Variants in NHSL1 observed in about 807,000 individuals in gnomAD.
NHSL1 encodes the protein NHS-like protein 1.
In NHSL1, 48 loss-of-function variants were observed where a neutral mutation model predicts 95.0. The observed-to-expected ratio is 0.51, with a 90% CI of 0.40 to 0.64. The LOEUF (loss-of-function observed/expected upper bound fraction) is 0.64, where lower values mean the gene tolerates loss of function less well. Ranked by LOEUF, NHSL1 falls within the 30% of genes least tolerant of loss-of-function variation. The probability of loss-of-function intolerance (pLI) is 0.00; values close to 1 mark genes in which losing one functional copy is unlikely to be tolerated. For synonymous variants in NHSL1, 783 were observed against 833.9 expected (o/e 0.94, Z 1.05); for missense variants, 1,971 against 2,077.7 (o/e 0.95, Z 1.00).
At chr6:138,531,726 C>T (rs117080766) in intron 1 of NHSL1, among the ~76,000 whole-genome samples, 19 of 152,114 alleles carry the variant, frequency 1.2e-4, no homozygotes, top group Non-Finnish European at 2.1e-4. Flanking sequence ...GTTGCTTAGG[C>T]GGGTCTTCAA....
At chr6:138,446,814 C>A (rs762037695) in intron 4 of NHSL1, 187 bp downstream of exon 4, 1 of 599,984 alleles carries the variant, frequency 1.7e-6, no homozygotes, top group Non-Finnish European at 2.9e-6. Context: ...TCGAACCCAA[C>A]AAGCAGTAGA....
intron 1 of NHSL1, among the ~76,000 whole-genome samples, chr6:138,617,858 C>T (rs1784601819): frequency 6.6e-6 from 1 of 152,168 alleles, no homozygotes; most frequent in East Asian, 1.9e-4. Context: ...TGACTTGTGC[C>T]CAGTGGGGTG....
At chr6:138,439,980 T>C (rs1032367112) in intron 5 of NHSL1, among the ~76,000 whole-genome samples, 8 of 152,132 alleles carry the variant, frequency 5.3e-5, no homozygotes, top group Admixed American at 3.3e-4. Flanking sequence ...TCCATACTGG[T>C]TGGTTCAGTA....
rs1306472490 is a variant in NHSL1, at chr6:138,520,008, G to A, written c.17-23637C>T. On this transcript the variant is annotated intron_variant, in intron 1 of 4. Transcript: ENST00000342260. ...TCCTTTCTGAAACAAGGGGAATACA[G>A]GGTTTTTCCCATAACCGTTGGCATT... 3.9e-5 allele frequency among the ~76,000 whole-genome samples: 6 copies of A among 152,232 alleles called. No individual in the cohort carries two copies. The South Asian group carries it at 8.3e-4, about 21-fold the overall frequency.
intron 2 of NHSL1, among the ~76,000 whole-genome samples, chr6:138,491,702 A>G (rs1465004263): frequency 6.6e-6 from 1 of 152,238 alleles, no homozygotes; most frequent in Non-Finnish European, 1.5e-5. Context: ...TGTCTATTGA[A>G]GCAAATATTA....
chr6:138,571,763 T>C (rs1440621129), exon 1 of NHSL1: 1 of 1,552,368 alleles, frequency 6.4e-7, no homozygotes, highest in East Asian at 2.4e-5. Context: ...TTCCACCTGC[T>C]GCCCACAAAC....
At chr6:138,623,555 T>C (rs1784694743) in intron 1 of NHSL1, among the ~76,000 whole-genome samples, 1 of 152,204 alleles carries the variant, frequency 6.6e-6, no homozygotes, top group Non-Finnish European at 1.5e-5. Context: ...CTCTCAGCAA[T>C]TTTGAAGAAT....
At chr6:138,481,386 TCACTCATG>T (rs1490667287) in intron 2 of NHSL1, among the ~76,000 whole-genome samples, 2 of 152,230 alleles carry the variant, frequency 1.3e-5, no homozygotes, top group African/African-American at 4.8e-5. Flanking sequence ...TTCTCCCTTG[TCACTCATG>T]CACGATGAAT....
intron 1 of NHSL1, among the ~76,000 whole-genome samples, chr6:138,680,872 C>T (rs4896382): frequency 0.61 from 92,987 of 152,066 alleles, 30,185 homozygotes; most frequent in East Asian, 0.92. Context: ...CTGCCTCAGC[C>T]TCCCAAAGTG....
chr6:138,662,543 A>G (rs1025983789), intron 1 of NHSL1, among the ~76,000 whole-genome samples: 6 of 152,186 alleles, frequency 3.9e-5, no homozygotes, highest in Admixed American at 2.0e-4. Flanking sequence ...TTGGTCTTAC[A>G]TATCGTATTA....
intron 1 of NHSL1, among the ~76,000 whole-genome samples, chr6:138,537,171 T>C (rs1010286418): frequency 2.0e-5 from 3 of 152,242 alleles, no homozygotes; most frequent in African/African-American, 7.2e-5. Context: ...CAAGTATTTG[T>C]TCTGCCAGGA....
At chr6:138,658,106 C>A (rs1372353477) in intron 1 of NHSL1, among the ~76,000 whole-genome samples, 1 of 152,086 alleles carries the variant, frequency 6.6e-6, no homozygotes, top group Non-Finnish European at 1.5e-5. Context: ...ATAAATGAGG[C>A]TATAGGAGTC....
chr6:138,490,521 C>T (rs887411072), intron 2 of NHSL1, among the ~76,000 whole-genome samples: 2 of 152,188 alleles, frequency 1.3e-5, no homozygotes, highest in African/African-American at 2.4e-5. Flanking sequence ...AGCTAGGAGG[C>T]TTCATGACAA....
chr6:138,521,309 T>C (rs1781672119), intron 1 of NHSL1, among the ~76,000 whole-genome samples: 1 of 151,796 alleles, frequency 6.6e-6, no homozygotes, highest in Non-Finnish European at 1.5e-5. Flanking sequence ...AAAATAAAAA[T>C]AAAAAAATTC....
At chr6:138,625,111 A>C (rs1450201857) in intron 1 of NHSL1, among the ~76,000 whole-genome samples, 2 of 151,836 alleles carry the variant, frequency 1.3e-5, no homozygotes, top group African/African-American at 4.8e-5. Flanking sequence ...TAATTAAATC[A>C]TCAATTAACA....
chr6:138,607,478 T>G (rs1179459274), intron 1 of NHSL1, among the ~76,000 whole-genome samples: 1 of 152,232 alleles, frequency 6.6e-6, no homozygotes, highest in African/African-American at 2.4e-5. Flanking sequence ...TAATTTTCAA[T>G]TTAGCACAAC....
chr6:138,490,806 G>A (rs1780031175), intron 2 of NHSL1, among the ~76,000 whole-genome samples: 2 of 152,090 alleles, frequency 1.3e-5, no homozygotes, highest in African/African-American at 4.8e-5. Context: ...GCTAATTTTT[G>A]TATTTTTAGT....
At chr6:138,574,083 A>G (rs1258155924), upstream of NHSL1, among the ~76,000 whole-genome samples, 2 of 151,998 alleles carry the variant, frequency 1.3e-5, no homozygotes, top group Non-Finnish European at 2.9e-5. Flanking sequence ...GCCTGCCACC[A>G]CGCCTGGCTA....
chr6:138,574,672 CAAA>C (rs1193555851), upstream of NHSL1, among the ~76,000 whole-genome samples: 3 of 80,350 alleles, frequency 3.7e-5, no homozygotes, highest in Non-Finnish European at 4.9e-5. Context: ...ACAAATAATG[CAAA>C]AAAAAAAAAA....
Sources: gnomAD v4.1 joint callset for allele counts (sites outside exome capture counted in the v4.1 genomes callset) on GRCh38, gnomAD v4.1.1 for gene constraint, MANE v1.5 for transcripts, NCBI Gene and HGNC (gene_info 2026-07-23, HGNC 2026-07-21) for gene names.